Variants in ZMYM1 observed in about 807,000 individuals in gnomAD.
ZMYM1 encodes the protein zinc finger MYM-type containing 1.
Under a neutral mutation model 60.0 loss-of-function variants are expected in ZMYM1, and 39 were observed. The ratio of observed to expected loss-of-function variants is 0.65; its 90% confidence interval spans 0.50 to 0.85. The LOEUF (loss-of-function observed/expected upper bound fraction) is 0.85. Ranked by LOEUF, ZMYM1 falls within the 40% of genes least tolerant of loss-of-function variation. The probability of loss-of-function intolerance (pLI) is 0.00; values close to 1 mark genes in which losing one functional copy is unlikely to be tolerated. For missense variants in ZMYM1, 1,171 were observed against 1,309.5 expected, an observed-to-expected ratio of 0.89 and a Z score of 1.63; for synonymous variants, 413 against 454.0, an observed-to-expected ratio of 0.91 and a Z score of 1.15.
downstream of ZMYM1, among the ~76,000 whole-genome samples, chr1:35,117,728 G>T (rs1326970286): frequency 6.6e-6 from 1 of 151,950 alleles, no homozygotes; most frequent in Non-Finnish European, 1.5e-5. Context: ...ATCACTTGAG[G>T]TCGGGAGTTC....
chr1:35,115,897 C>T (rs1259125539), downstream of ZMYM1: 1 of 152,078 alleles, frequency 6.6e-6, no homozygotes, highest in African/African-American at 2.4e-5. Context: ...TTAAAAATGG[C>T]GTTTTAATCT....
Position 35,101,116 on chromosome 1 carries a change from T to G in ZMYM1, c.420-3179T>G, listed in dbSNP as rs532011348. Among the ~76,000 whole-genome samples the G allele has an allele frequency of 1.0e-3, 156 of 150,372 alleles. 2 individuals are homozygous for G. In the South Asian group the frequency reaches 0.021, roughly 20 times the overall value. Reference sequence around the variant, plus strand: ...CCGTACCCAGCCAACATTCTTTTTTTTTTTTTTTTTGAGGCGGAGTCTCAC... The same window carrying G: ...CCGTACCCAGCCAACATTCTTTTTTGTTTTTTTTTTGAGGCGGAGTCTCAC... On this transcript the variant is annotated intron_variant, in intron 4 of 9. Transcript: ENST00000359858.
chr1:35,114,972 G>T lies in ZMYM1; in HGVS notation c.3142G>T (p.Val1048Phe). ...CATAGATGATAGTTGCATAAACTTC[G>T]TCAGTCTCGGCTGTTTGTTTATTCA... ...FVIDDSCINFVSLGCLFIQHG... is the reference protein window; with the variant it reads ...FVIDDSCINFFSLGCLFIQHG... The change falls in exon 10 of 10, where the codon GTC becomes TTC. Residue 1048 changes from valine to phenylalanine, a missense_variant. By Grantham distance (50) the Val-to-Phe change is conservative. Coordinates refer to ENST00000359858, the MANE Select transcript of ZMYM1 (RefSeq NM_024772.5). The T allele has an allele frequency of 6.2e-7, 1 of 1,613,996 alleles. No individual in the cohort carries two copies. The highest frequency in any genetic ancestry group is 8.5e-7 in the Non-Finnish European group (1 of 1,179,914).
At chr1:35,078,474 A>G (rs1642212155), upstream of ZMYM1, among the ~76,000 whole-genome samples, 1 of 144,628 alleles carries the variant, frequency 6.9e-6, no homozygotes, top group African/African-American at 2.9e-5. Flanking sequence ...AGGTGTTGAA[A>G]GTATTGTCAA....
upstream of ZMYM1, among the ~76,000 whole-genome samples, chr1:35,076,197 G>A (rs760638105): frequency 9.2e-5 from 14 of 151,966 alleles, no homozygotes; most frequent in Non-Finnish European, 1.3e-4. Context: ...CCCCATCAAC[G>A]CTCTATTTGC....
chr1:35,070,832 G>A (rs1388467812), intron 1 of ZMYM1, among the ~76,000 whole-genome samples: 4 of 151,110 alleles, frequency 2.6e-5, no homozygotes, highest in African/African-American at 4.9e-5. Flanking sequence ...ATCATGAAGC[G>A]ATGTTGAATT....
intron 6 of ZMYM1, among the ~76,000 whole-genome samples, chr1:35,107,879 C>T (rs1643945794): frequency 6.6e-6 from 1 of 152,086 alleles, no homozygotes; most frequent in Non-Finnish European, 1.5e-5. Flanking sequence ...GGAGGCCAAA[C>T]GGGAGGATCA....
At chr1:35,097,926 G>A (rs1643425268) in intron 4 of ZMYM1, among the ~76,000 whole-genome samples, 4 of 152,352 alleles carry the variant, frequency 2.6e-5, no homozygotes, top group Admixed American at 2.6e-4. Context: ...TGGGATTACA[G>A]GTGTGAGTCA....
At chr1:35,073,313 GA>G (rs956936374) in intron 1 of ZMYM1, among the ~76,000 whole-genome samples, 7 of 119,048 alleles carry the variant, frequency 5.9e-5, no homozygotes, top group Admixed American at 3.9e-4. Flanking sequence ...AAGGAAGGAA[GA>G]AAAAAAGAAA....
At chr1:35,091,990 A>G (rs1052288654) in intron 1 of ZMYM1, among the ~76,000 whole-genome samples, 2 of 151,796 alleles carry the variant, frequency 1.3e-5, no homozygotes, top group Admixed American at 6.6e-5. Flanking sequence ...CAATGGCACA[A>G]TCTTGGCTGA....
chr1:35,065,547 G>A (rs976884695), intron 1 of ZMYM1, among the ~76,000 whole-genome samples: 3 of 151,660 alleles, frequency 2.0e-5, no homozygotes, highest in Admixed American at 6.6e-5. Context: ...GGCTGTGCAG[G>A]GTGGTTGGCC....
rs747752622 is a variant in ZMYM1, at chr1:35,082,335, CT to C, written c.-75+2907del. 8.5e-3 allele frequency among the ~76,000 whole-genome samples: 1,221 copies of C among 143,064 alleles called. 13 individuals carry two copies. The highest frequency in any genetic ancestry group is 0.017 in the African/African-American group (670 of 39,328). The allele number at this position is 143,064 out of a possible 152,430, so 93.9% of individuals were successfully genotyped here. A position where few individuals can be genotyped will look rare whatever the true frequency, so the allele number is the denominator to read the frequency against. ...AATAAAAAGTTTTCTTCCTTTCCAA[CT>C]TTTTTTTTTTTTTAAATGGAGTCAT... On this transcript the variant is annotated intron_variant, in intron 1 of 9. Transcript: ENST00000359858.
At chr1:35,064,020 A>G (rs1203560277) in intron 1 of ZMYM1, among the ~76,000 whole-genome samples, 1 of 152,136 alleles carries the variant, frequency 6.6e-6, no homozygotes, top group Non-Finnish European at 1.5e-5. Flanking sequence ...TGTAATCTGC[A>G]TGGATTTAAA....
intron 1 of ZMYM1, among the ~76,000 whole-genome samples, chr1:35,084,235 C>T (rs917795552): frequency 9.9e-5 from 15 of 151,124 alleles, no homozygotes; most frequent in African/African-American, 3.7e-4. Flanking sequence ...TCCATCTTTC[C>T]TCTGTTTTCT....
chr1:35,089,968 G>T (rs1418784174), intron 1 of ZMYM1, among the ~76,000 whole-genome samples: 4 of 149,794 alleles, frequency 2.7e-5, no homozygotes, highest in Non-Finnish European at 4.4e-5. Flanking sequence ...GTAGTGGCGC[G>T]ATCTCGGCTC....
intron 4 of ZMYM1, 193 bp from the exon 5 acceptor site, chr1:35,104,102 T>TTATA (rs1643796453): frequency 2.1e-6 from 1 of 479,622 alleles, no homozygotes; most frequent in Non-Finnish European, 3.6e-6. Flanking sequence ...TAGATGTGCT[T>TTATA]TATAATCTGT....
At chr1:35,100,036 G>A (rs149848536) in intron 4 of ZMYM1, among the ~76,000 whole-genome samples, 207 of 152,206 alleles carry the variant, frequency 1.4e-3, no homozygotes, top group African/African-American at 4.6e-3. Context: ...GATTACAGGC[G>A]TGTGCCACTG....
At chr1:35,118,339 A>G (rs750257924), downstream of ZMYM1, among the ~76,000 whole-genome samples, 4 of 152,004 alleles carry the variant, frequency 2.6e-5, no homozygotes, top group Non-Finnish European at 5.9e-5. Context: ...AAGGCTATGA[A>G]CTTTCCTCTA....
rs772694310 is a variant in ZMYM1, at chr1:35,114,059, A to G, written c.2229A>G (p.Ile743Met). 1.1e-5 allele frequency: 17 copies of G among 1,610,392 alleles called. No individual in the cohort carries two copies. The highest frequency in any genetic ancestry group is 1.4e-5 in the Non-Finnish European group (16 of 1,179,122). The change falls in exon 10 of 10, where the codon ATA (isoleucine) becomes ATG (methionine). Residue 743 changes from isoleucine to methionine, a missense_variant. Physicochemically the swap from Ile to Met is conservative, Grantham distance 10. Coordinates refer to ENST00000359858, the MANE Select transcript of ZMYM1 (RefSeq NM_024772.5). ...FKKEEPRALY[I>M]HCYAHFLDLS... ...AAGAAGAACCAAGAGCTTTATACAT[A>G]CATTGTTATGCACACTTTTTGGATT...
Sources: allele counts gnomAD v4.1 joint callset (sites outside exome capture counted in the v4.1 genomes callset), GRCh38; gene constraint gnomAD v4.1.1; transcripts MANE v1.5; gene names NCBI Gene and HGNC (gene_info 2026-07-23, HGNC 2026-07-21).